CACNA1A: variants seen among roughly 807,000 people sequenced by gnomAD.
CACNA1A encodes the protein calcium voltage-gated channel subunit alpha1 A.
A neutral mutation model predicts 262.4 loss-of-function variants in CACNA1A; 57 were observed. The ratio of observed to expected loss-of-function variants is 0.22; its 90% confidence interval spans 0.18 to 0.27. The LOEUF (loss-of-function observed/expected upper bound fraction) is 0.27, where lower values mean the gene tolerates loss of function less well. Ranked by LOEUF, CACNA1A falls within the 10% of genes least tolerant of loss-of-function variation. CACNA1A has a pLI of 1.00. For synonymous variants in CACNA1A, 1,431 were observed against 1,419.3 expected (o/e 1.01, Z -0.18); for missense variants, 2,526 against 3,562.8 (o/e 0.71, Z 7.41).
At chr19:13,227,164 C>A (rs1360301980) in intron 37 of CACNA1A, 7 of 241,086 alleles carry the variant, frequency 2.9e-5, no homozygotes, top group Non-Finnish European at 5.6e-5. Context: ...TCCCCTCCCC[C>A]TCCCCCCGGC....
At chr19:13,341,902 C>A (rs1470918229) in intron 6 of CACNA1A, among the ~76,000 whole-genome samples, 1 of 152,120 alleles carries the variant, frequency 6.6e-6, no homozygotes, top group East Asian at 1.9e-4. Context: ...TATTCCCAGC[C>A]CCCTAGGACA....
intron 30 of CACNA1A, 36 bp downstream of exon 30, chr19:13,252,955 C>T: frequency 1.4e-6 from 2 of 1,412,932 alleles, no homozygotes; most frequent in Non-Finnish European, 2.0e-6. Context: ...TGGGCTTCTC[C>T]CAAGCCCATA....
chr19:13,499,855 AC>A (rs1255553799), intron 1 of CACNA1A, among the ~76,000 whole-genome samples: 1 of 151,990 alleles, frequency 6.6e-6, no homozygotes, highest in Non-Finnish European at 1.5e-5. Context: ...GAAATGCGTT[AC>A]TGCACGGCTC....
intron 24 of CACNA1A, chr19:13,271,543 T>C (rs1039331180): frequency 3.3e-5 from 5 of 152,058 alleles, no homozygotes; most frequent in African/African-American, 1.2e-4. Flanking sequence ...TGATCTCTGG[T>C]GGAAAAGAAT....
chr19:13,419,438 G>A (rs536921748), intron 3 of CACNA1A, among the ~76,000 whole-genome samples: 8 of 152,324 alleles, frequency 5.3e-5, no homozygotes, highest in South Asian at 2.1e-4. Context: ...CACTTTGGGA[G>A]GTTAAGGTGG....
intron 34 of CACNA1A, among the ~76,000 whole-genome samples, chr19:13,234,376 G>C (rs56246961): frequency 0.2 from 16,168 of 81,934 alleles, 416 homozygotes; most frequent in Middle Eastern, 0.23. Context: ...AAAAAAAAAA[G>C]CCCCCCCAAA....
At chr19:13,290,273 T>A (rs2057502393) in intron 19 of CACNA1A, among the ~76,000 whole-genome samples, 1 of 151,988 alleles carries the variant, frequency 6.6e-6, no homozygotes, top group South Asian at 2.1e-4. Context: ...TTCCTCAACA[T>A]CTTGGACAGT....
chr19:13,327,752 T>C (rs940481548), intron 10 of CACNA1A, among the ~76,000 whole-genome samples: 1 of 152,032 alleles, frequency 6.6e-6, no homozygotes, highest in East Asian at 2.0e-4. Context: ...GTTGAATTTT[T>C]AGTACAGACA....
intron 1 of CACNA1A, among the ~76,000 whole-genome samples, chr19:13,457,365 G>A (rs75247334): frequency 2.0e-5 from 3 of 152,176 alleles, no homozygotes; most frequent in East Asian, 1.9e-4. Flanking sequence ...GTGACACACA[G>A]TAACTCCACT....
intron 30 of CACNA1A, among the ~76,000 whole-genome samples, chr19:13,250,280 G>C (rs892076953): frequency 6.6e-6 from 1 of 151,914 alleles, no homozygotes; most frequent in African/African-American, 2.4e-5. Context: ...GGCTGGTCTT[G>C]AACTCCTGAC....
rs71170510 is a variant in CACNA1A at position 13,415,743 on chromosome 19, TAAAAAAAAAAAAA to T, written c.539+37120_539+37132del. On this transcript the variant is annotated intron_variant, in intron 3 of 46. Transcript: ENST00000360228. The stretch of plus-strand genomic sequence containing the variant: ...CAACAGAGCGAGACTCTGTCTCAAT[TAAAAAAAAAAAAA>T]AAAAAAAAAAAAAAAAAGTAGATGG... Among the ~76,000 whole-genome samples, 41 of 42,512 alleles carry T rather than the reference TAAAAAAAAAAAAA, an allele frequency of 9.6e-4. 2 individuals carry two copies. Among genetic ancestry groups the T allele is most frequent in the African/African-American group, 2.5e-3 (30 of 12,156 alleles). 27.9% of individuals were successfully genotyped at this position (42,512 alleles called of 152,430 possible).
chr19:13,341,654 G>A (rs1178394262), intron 6 of CACNA1A, among the ~76,000 whole-genome samples: 1 of 152,106 alleles, frequency 6.6e-6, no homozygotes, highest in Non-Finnish European at 1.5e-5. Context: ...TTGCTACATG[G>A]TTTCCCCTCA....
chr19:13,401,417 C>T (rs1260147043), intron 3 of CACNA1A, among the ~76,000 whole-genome samples: 1 of 152,152 alleles, frequency 6.6e-6, no homozygotes, highest in African/African-American at 2.4e-5. Flanking sequence ...ATGTAAAGTA[C>T]TTACGACAGT....
chr19:13,435,339 C>T (rs1324002905), intron 3 of CACNA1A, among the ~76,000 whole-genome samples: 1 of 151,594 alleles, frequency 6.6e-6, no homozygotes, highest in East Asian at 1.9e-4. Flanking sequence ...TGGTCTCACA[C>T]TCCCAATCTG....
intron 3 of CACNA1A, among the ~76,000 whole-genome samples, chr19:13,382,759 A>G (rs2059545583): frequency 6.6e-6 from 1 of 152,186 alleles, no homozygotes; most frequent in African/African-American, 2.4e-5. Flanking sequence ...ACTAGGACAA[A>G]GGCAGTGGGA....
chr19:13,228,984 G>A (rs1206220502), intron 36 of CACNA1A: 4 of 367,892 alleles, frequency 1.1e-5, no homozygotes, highest in Non-Finnish European at 2.0e-5. Flanking sequence ...GATGTCAGTC[G>A]AGTTCGGGAC....
chr19:13,341,373 G>A (rs992423595), intron 6 of CACNA1A, among the ~76,000 whole-genome samples: 2 of 152,092 alleles, frequency 1.3e-5, no homozygotes, highest in Admixed American at 1.3e-4. Context: ...TGAACTGCGA[G>A]AGAATAAATA....
chr19:13,371,985 C>T (rs189124491), intron 3 of CACNA1A, among the ~76,000 whole-genome samples: 11 of 152,078 alleles, frequency 7.2e-5, no homozygotes, highest in East Asian at 1.9e-4. Context: ...TACGAAGACC[C>T]CCAACAGATG....
chr19:13,272,593 G>C (rs58477036), intron 24 of CACNA1A: 1,740 of 152,428 alleles, frequency 0.011, 33 homozygotes, highest in African/African-American at 0.04. Context: ...GGGAGTGAGA[G>C]AGAAAGAGAG....
Sources: allele counts gnomAD v4.1 joint callset (sites outside exome capture counted in the v4.1 genomes callset), GRCh38; gene constraint gnomAD v4.1.1; transcripts MANE v1.5; gene names NCBI Gene and HGNC (gene_info 2026-07-23, HGNC 2026-07-21).